Variants in PTPN12 observed in about 807,000 individuals in gnomAD.
PTPN12 encodes the protein protein tyrosine phosphatase non-receptor type 12, also known as tyrosine-protein phosphatase non-receptor type 12.
In PTPN12, 29 loss-of-function variants were observed where a neutral mutation model predicts 97.6. The ratio of observed to expected loss-of-function variants is 0.30; its 90% CI spans 0.22 to 0.41. PTPN12 has a LOEUF of 0.41. Among genes scored for constraint, PTPN12 ranks in the 10% least tolerant of loss-of-function variants. The pLI is 1.00. For missense variants in PTPN12, 819 were observed against 926.0 expected (o/e 0.88, Z 1.50); for synonymous variants, 327 against 300.4 (o/e 1.09, Z -0.91).
chr7:77,600,622 C>G, intron 7 of PTPN12, 42 bp from the exon 8 acceptor site: 1 of 1,521,648 alleles, frequency 6.6e-7, no homozygotes, highest in Middle Eastern at 1.8e-4. Flanking sequence ...TTAAACTTTG[C>G]AAAGTATTTT....
At chr7:77,571,936 C>T (rs764512456) in intron 2 of PTPN12, among the ~76,000 whole-genome samples, 7 of 152,112 alleles carry the variant, frequency 4.6e-5, no homozygotes, top group African/African-American at 1.7e-4. Context: ...ATCACTTTAT[C>T]CAGTAAAAGC....
chr7:77,601,112 TC>T (rs1360633364), intron 8 of PTPN12: 3 of 219,198 alleles, frequency 1.4e-5, no homozygotes, highest in African/African-American at 6.9e-5. Context: ...TACTCTACTT[TC>T]TAAAGTCAGT....
At chr7:77,572,538 C>G (rs1452612597) in intron 2 of PTPN12, among the ~76,000 whole-genome samples, 1 of 139,936 alleles carries the variant, frequency 7.1e-6, no homozygotes, top group Non-Finnish European at 1.6e-5. Flanking sequence ...AATCCTTCAT[C>G]CTTTTGTTGT....
In PTPN12 at chr7:77,637,106, C is replaced by T. The variant is rs1472088094; in HGVS notation, c.2173+58C>T. The T allele has an allele frequency of 3.0e-6, 4 of 1,331,620 alleles. No homozygotes were observed. In the African/African-American group the frequency reaches 4.4e-5, roughly 15 times the overall value. 82.5% of individuals were successfully genotyped at this position (1,331,620 alleles called of 1,614,324 possible). A position where few individuals can be genotyped will look rare whatever the true frequency, so the allele number is the denominator to read the frequency against. ...TGTAGATTTTATTGATTAATTTCTA[C>T]AAAATAACATGCTTCATAGTTCATG... is the stretch of plus-strand genomic sequence containing the variant. On this transcript the variant is annotated intron_variant, in intron 16 of 17. Coordinates refer to ENST00000248594, the MANE Select transcript of PTPN12 (RefSeq NM_002835.4).
At chr7:77,569,013 A>G (rs1410315586) in intron 1 of PTPN12, among the ~76,000 whole-genome samples, 1 of 152,210 alleles carries the variant, frequency 6.6e-6, no homozygotes, top group East Asian at 1.9e-4. Flanking sequence ...ATCATAAACA[A>G]TCTTTTCTAC....
At chr7:77,631,311 A>T (rs1789388040) in intron 13 of PTPN12, among the ~76,000 whole-genome samples, 1 of 152,192 alleles carries the variant, frequency 6.6e-6, no homozygotes, top group Non-Finnish European at 1.5e-5. Context: ...AGCTAAATAA[A>T]TGTAGGTGGG....
chr7:77,548,886 A>T (rs1001112085), intron 1 of PTPN12, among the ~76,000 whole-genome samples: 1 of 152,104 alleles, frequency 6.6e-6, no homozygotes. Flanking sequence ...TCAAGTTTCC[A>T]TGTCTCTGGG....
chr7:77,554,693 G>A (rs1319996589), intron 1 of PTPN12, among the ~76,000 whole-genome samples: 1 of 151,968 alleles, frequency 6.6e-6, no homozygotes, highest in Non-Finnish European at 1.5e-5. Flanking sequence ...ATCTTTTCTG[G>A]GGGACAGGGT....
chr7:77,567,453 G>A (rs1808310385), intron 1 of PTPN12, among the ~76,000 whole-genome samples: 1 of 152,184 alleles, frequency 6.6e-6, no homozygotes, highest in African/African-American at 2.4e-5. Context: ...AAGCTTTGGA[G>A]GTGTGCAAGT....
chr7:77,558,506 A>G (rs1011585333), intron 1 of PTPN12, among the ~76,000 whole-genome samples: 2 of 152,246 alleles, frequency 1.3e-5, no homozygotes, highest in African/African-American at 4.8e-5. Context: ...ACTTTGCATA[A>G]CTGGTTACCT....
At chr7:77,576,777 C>T (rs1787357377) in intron 2 of PTPN12, among the ~76,000 whole-genome samples, 2 of 152,194 alleles carry the variant, frequency 1.3e-5, no homozygotes, top group Admixed American at 1.3e-4. Flanking sequence ...CGGCGCTTTG[C>T]CGGGTGTTAA....
At chr7:77,639,073 T>G in intron 17 of PTPN12, 146 bp from the exon 18 acceptor site, 1 of 688,928 alleles carries the variant, frequency 1.5e-6, no homozygotes, top group Non-Finnish European at 2.3e-6. Flanking sequence ...TTGTTTTGCA[T>G]TTACCAAGTT....
chr7:77,549,581 TG>T (rs1291658304), intron 1 of PTPN12, among the ~76,000 whole-genome samples: 8 of 151,532 alleles, frequency 5.3e-5, no homozygotes, highest in East Asian at 1.9e-4. Flanking sequence ...TTTGTTTGTT[TG>T]TTTTTTTTTT....
At chr7:77,580,438 A>G (rs1157411596) in intron 2 of PTPN12, among the ~76,000 whole-genome samples, 1 of 152,306 alleles carries the variant, frequency 6.6e-6, no homozygotes, top group East Asian at 1.9e-4. Context: ...CATGTATAGG[A>G]TGCTTGCATT....
At chr7:77,574,976 C>A (rs939240273) in intron 2 of PTPN12, among the ~76,000 whole-genome samples, 2 of 151,764 alleles carry the variant, frequency 1.3e-5, no homozygotes, top group Non-Finnish European at 2.9e-5. Flanking sequence ...GGATTACAAG[C>A]ACCTGCCACC....
chr7:77,627,706 C>G, intron 13 of PTPN12, 31 bp downstream of exon 13: 3 of 1,504,822 alleles, frequency 2.0e-6, no homozygotes, highest in Non-Finnish European at 2.7e-6. Flanking sequence ...ACTTAAATGT[C>G]TTTCCTATGT....
At chr7:77,573,122 C>A (rs1787217106) in intron 2 of PTPN12, among the ~76,000 whole-genome samples, 1 of 122,686 alleles carries the variant, frequency 8.2e-6, no homozygotes, top group Admixed American at 9.4e-5. Flanking sequence ...AACCAGTGTA[C>A]CTAGCACATA....
chr7:77,540,643 A>G (rs1806923889), intron 1 of PTPN12, among the ~76,000 whole-genome samples: 1 of 146,446 alleles, frequency 6.8e-6, no homozygotes, highest in African/African-American at 2.6e-5. Flanking sequence ...ATTCTTTTAT[A>G]GGGCTTTTTT....
intron 12 of PTPN12, 42 bp from the exon 13 acceptor site, chr7:77,626,663 T>A (rs779552459): frequency 6.5e-7 from 1 of 1,539,120 alleles, no homozygotes; most frequent in Non-Finnish European, 8.8e-7. Flanking sequence ...ATCAACTTGT[T>A]TAACAGTCTT....
Sources: gnomAD v4.1 joint callset for allele counts (sites outside exome capture counted in the v4.1 genomes callset) on GRCh38, gnomAD v4.1.1 for gene constraint, MANE v1.5 for transcripts, NCBI Gene and HGNC (gene_info 2026-07-23, HGNC 2026-07-21) for gene names.